RXRG: variants seen among roughly 807,000 people sequenced by gnomAD.
RXRG encodes retinoid X receptor gamma.
RXRG carries 19 observed loss-of-function variants against 49.2 expected under a neutral mutation model. The observed-to-expected ratio is 0.39, with a 90% CI of 0.27 to 0.57. The LOEUF (loss-of-function observed/expected upper bound fraction) is 0.57. Among genes scored for constraint, RXRG ranks in the 20% least tolerant of loss-of-function variants. RXRG has a pLI of 0.64. For synonymous variants in RXRG, 224 were observed against 216.6 expected (o/e 1.03, Z -0.30); for missense variants, 452 against 592.5 (o/e 0.76, Z 2.46).
intron 1 of RXRG, among the ~76,000 whole-genome samples, chr1:165,441,729 G>A (rs1467357006): frequency 6.6e-6 from 1 of 152,154 alleles, no homozygotes; most frequent in Admixed American, 6.5e-5. Context: ...CAATTGGATG[G>A]GGGGGATTAC....
chr1:165,432,445 C>T (rs867096078), intron 1 of RXRG, among the ~76,000 whole-genome samples: 7 of 152,286 alleles, frequency 4.6e-5, no homozygotes, highest in Middle Eastern at 3.4e-3. Flanking sequence ...AAATAAATAG[C>T]TTTGCTTTTA....
chr1:165,416,927 T>G, intron 4 of RXRG, 114 bp downstream of exon 4: 8 of 997,534 alleles, frequency 8.0e-6, no homozygotes, highest in Non-Finnish European at 1.2e-5. Flanking sequence ...AAATTTGAAG[T>G]GGAGATTAGG....
At chr1:165,402,015 C>T (rs577621058) in intron 9 of RXRG, among the ~76,000 whole-genome samples, 1 of 151,786 alleles carries the variant, frequency 6.6e-6, no homozygotes, top group Non-Finnish European at 1.5e-5. Flanking sequence ...CCCAAGTAGG[C>T]GGGACTACAG....
chr1:165,417,073 T>A lies in RXRG; in HGVS notation c.590A>T (p.Gln197Leu), dbSNP rs768815702. The A allele has an allele frequency of 6.2e-7, 1 of 1,614,100 alleles. No individual in the cohort carries two copies. Among genetic ancestry groups the A allele is most frequent in the Non-Finnish European group, 8.5e-7 (1 of 1,179,964 alleles). ...QRNRCQYCRYQKCLVMGMKRE... is the reference protein window; with the variant it reads ...QRNRCQYCRYLKCLVMGMKRE... ...CTTCATGCCCATGACAAGGCACTTC[T>A]GATAGCGACAGTACTGGCAGCGGTT... is the stretch of plus-strand genomic sequence containing the variant. Residue 197 changes from glutamine to leucine, a missense_variant, in exon 4 of 10, where the codon CAG (glutamine) becomes CTG (leucine). By Grantham distance (113) the Gln-to-Leu change is moderately radical (BLOSUM62 -2). Around this residue, in one of 2 missense-constraint regions of RXRG, gnomAD observed 286 missense variants for 440.9 expected, o/e 0.65. Transcript: ENST00000359842.
At chr1:165,405,341 C>T (rs902294077) in intron 9 of RXRG, among the ~76,000 whole-genome samples, 1 of 152,226 alleles carries the variant, frequency 6.6e-6, no homozygotes. Flanking sequence ...GCAGCCAGGT[C>T]CTGACCCCTT....
At chr1:165,438,366 T>C (rs983179926) in intron 1 of RXRG, among the ~76,000 whole-genome samples, 2 of 149,826 alleles carry the variant, frequency 1.3e-5, no homozygotes, top group African/African-American at 4.9e-5. Flanking sequence ...AAAAAAAAAA[T>C]CCCAAATCCA....
chr1:165,426,177 G>A (rs1210363136), intron 2 of RXRG, among the ~76,000 whole-genome samples: 1 of 152,204 alleles, frequency 6.6e-6, no homozygotes, highest in East Asian at 1.9e-4. Context: ...ACCTGCACAA[G>A]GGTCAAAATA....
chr1:165,426,440 T>G (rs1411082324), intron 2 of RXRG, among the ~76,000 whole-genome samples: 3 of 152,114 alleles, frequency 2.0e-5, no homozygotes, highest in Non-Finnish European at 2.9e-5. Context: ...GCCCAGCTCC[T>G]GGAATCCCTA....
intron 1 of RXRG, among the ~76,000 whole-genome samples, chr1:165,430,620 G>A (rs906606575): frequency 1.3e-5 from 2 of 152,314 alleles, no homozygotes; most frequent in Non-Finnish European, 1.5e-5. Flanking sequence ...AAACAGATAA[G>A]TCCCAATACC....
intron 1 of RXRG, among the ~76,000 whole-genome samples, chr1:165,432,980 G>T (rs1404704207): frequency 6.6e-6 from 1 of 152,200 alleles, no homozygotes; most frequent in Non-Finnish European, 1.5e-5. Flanking sequence ...CCTTTTGGAA[G>T]TGAGTAGGCC....
chr1:165,441,210 A>G (rs1004916237), intron 1 of RXRG, among the ~76,000 whole-genome samples: 2 of 152,258 alleles, frequency 1.3e-5, no homozygotes, highest in African/African-American at 4.8e-5. Context: ...GGAAGCCACC[A>G]ATTAATTCTG....
Position 165,415,204 on chromosome 1 carries a change from G to GA in RXRG, c.622+1836dup, listed in dbSNP as rs199966444. On this transcript the variant is annotated intron_variant, in intron 4 of 9. Transcript: ENST00000359842. ...AGAAAAAGTGAGCCATCAGATACCT[G>GA]AAAAAAAAATCATTCTAGACAGACA... is the stretch of plus-strand genomic sequence containing the variant. 3.4e-3 allele frequency among the ~76,000 whole-genome samples: 508 copies of GA among 151,160 alleles called. 4 individuals are homozygous for GA. Among genetic ancestry groups the GA allele is most frequent in the African/African-American group, 0.011 (467 of 41,200 alleles).
intron 2 of RXRG, among the ~76,000 whole-genome samples, chr1:165,425,216 G>T (rs763336027): frequency 6.6e-6 from 1 of 152,226 alleles, no homozygotes; most frequent in Non-Finnish European, 1.5e-5. Flanking sequence ...GTTGCTAAAA[G>T]CAGCCTCAGA....
At chr1:165,418,199 C>CAAAAA (rs1658194146) in intron 3 of RXRG, among the ~76,000 whole-genome samples, 1 of 151,240 alleles carries the variant, frequency 6.6e-6, no homozygotes, top group Non-Finnish European at 1.5e-5. Context: ...TATTACCTGT[C>CAAAAA]CACACATGCA....
intron 4 of RXRG, among the ~76,000 whole-genome samples, chr1:165,416,117 T>C (rs562643682): frequency 6.6e-6 from 1 of 152,308 alleles, no homozygotes; most frequent in Non-Finnish European, 1.5e-5. Flanking sequence ...TAAGATGCCC[T>C]CTTCTCACAG....
intron 2 of RXRG, among the ~76,000 whole-genome samples, chr1:165,422,926 T>C (rs1247136642): frequency 6.6e-6 from 1 of 152,146 alleles, no homozygotes; most frequent in Admixed American, 6.5e-5. Flanking sequence ...CTGCCTTGGG[T>C]GAGAGGTGAT....
chr1:165,401,007 A>G lies in RXRG; in HGVS notation c.*256T>C, dbSNP rs1355387606. On this transcript the variant is annotated 3_prime_UTR_variant, in exon 10 of 10. Transcript: ENST00000359842. ...AATAATTTAAACCAATTGTATGTACAGAGGCTTGATTAGTTTTCCCAAGAA... is the reference window on the plus strand; with the variant it reads ...AATAATTTAAACCAATTGTATGTACGGAGGCTTGATTAGTTTTCCCAAGAA... The G allele has an allele frequency of 1.4e-5, 6 of 436,140 alleles. No homozygotes were observed. The East Asian group carries it at 1.7e-4, about 12-fold the overall frequency. 27.0% of individuals were successfully genotyped at this position (436,140 alleles called of 1,614,324 possible).
In RXRG at chr1:165,443,748, G is replaced by C. The variant is rs144833490; in HGVS notation, c.49+1097C>G. Among the ~76,000 whole-genome samples, 9 of 152,328 alleles carry C rather than the reference G, an allele frequency of 5.9e-5. No homozygotes were observed. In the East Asian group the frequency reaches 1.7e-3, roughly 29 times the overall value. ...TGACAGAGATCACTTCTACCTTGCA[G>C]TGTGTCACCATGCCTCCCAGGGGGT... On this transcript the variant is annotated intron_variant, in intron 1 of 9. Coordinates refer to ENST00000359842, the MANE Select transcript of RXRG (RefSeq NM_006917.5).
intron 1 of RXRG, among the ~76,000 whole-genome samples, chr1:165,434,353 T>C (rs550788881): frequency 9.3e-5 from 14 of 150,424 alleles, no homozygotes; most frequent in Non-Finnish European, 1.9e-4. Context: ...AAAGCCAGGG[T>C]ACTTAGAACT....
Sources: gnomAD v4.1 joint callset for allele counts (sites outside exome capture counted in the v4.1 genomes callset) on GRCh38, gnomAD v4.1.1 for gene constraint, gnomAD v4.1.1 regional missense constraint, MANE v1.5 for transcripts, NCBI Gene and HGNC (gene_info 2026-07-23, HGNC 2026-07-21) for gene names.